Variants in PRKN observed in about 807,000 individuals in gnomAD.
PRKN encodes the protein parkin RBR E3 ubiquitin protein ligase, also known as E3 ubiquitin-protein ligase parkin.
In PRKN, 56 loss-of-function variants were observed where a neutral mutation model predicts 59.5. The observed-to-expected ratio is 0.94, with a 90% CI of 0.76 to 1.18. PRKN has a LOEUF of 1.18. Ranked by LOEUF, PRKN falls within the 50% of genes most tolerant of loss-of-function variation. PRKN has a pLI of 0.00. For missense variants in PRKN, 657 were observed against 596.4 expected (o/e 1.10, Z -1.06); for synonymous variants, 250 against 222.1 (o/e 1.13, Z -1.12).
rs551417154 is a variant in PRKN at position 161,350,276 on chromosome 6, C to G, written c.1286-65G>C. On this transcript the variant is annotated intron_variant, in intron 11 of 11. Transcript: ENST00000366898. ...CAAGTACCTGGAAAACACGCATTCC[C>G]AAACCAGCACGCTAGCCTAGACATC... is the stretch of plus-strand genomic sequence containing the variant. 60 of 1,027,924 alleles carry G rather than the reference C, an allele frequency of 5.8e-5. No individual in the cohort carries two copies. The East Asian group carries it at 1.4e-3, about 25-fold the overall frequency. The allele number at this position is 1,027,924 out of a possible 1,614,324, so 63.7% of individuals were successfully genotyped here. A position where few individuals can be genotyped will look rare whatever the true frequency, so the allele number is the denominator to read the frequency against.
chr6:162,488,014 A>T (rs1792625487), intron 1 of PRKN, among the ~76,000 whole-genome samples: 1 of 146,594 alleles, frequency 6.8e-6, no homozygotes, highest in Non-Finnish European at 1.5e-5. Context: ...CAGACACTAC[A>T]TCCACCATTT....
At chr6:162,237,543 G>T (rs1238626521) in intron 3 of PRKN, among the ~76,000 whole-genome samples, 1 of 152,130 alleles carries the variant, frequency 6.6e-6, no homozygotes, top group East Asian at 1.9e-4. Context: ...AACAACAAAG[G>T]CAGCCGAATG....
At chr6:162,657,821 T>C (rs1423666309) in intron 1 of PRKN, among the ~76,000 whole-genome samples, 1 of 152,142 alleles carries the variant, frequency 6.6e-6, no homozygotes, top group Non-Finnish European at 1.5e-5. Context: ...ACATGAGGGT[T>C]CCAGGCCTAG....
intron 2 of PRKN, among the ~76,000 whole-genome samples, chr6:162,390,396 T>TAC (rs1554312764): frequency 0.015 from 1,240 of 83,736 alleles, 28 homozygotes; most frequent in East Asian, 0.09. Flanking sequence ...TATATATATA[T>TAC]ACACACACAC....
intron 7 of PRKN, among the ~76,000 whole-genome samples, chr6:161,731,689 C>T (rs903681202): frequency 5.3e-5 from 8 of 152,020 alleles, no homozygotes; most frequent in Non-Finnish European, 1.0e-4. Flanking sequence ...GATTACAAGT[C>T]AGAAATTAAA....
At chr6:161,887,045 G>A (rs1404723675) in intron 6 of PRKN, among the ~76,000 whole-genome samples, 2 of 152,186 alleles carry the variant, frequency 1.3e-5, no homozygotes, top group Non-Finnish European at 2.9e-5. Flanking sequence ...TTTGACACAC[G>A]TGTCAGCTGA....
intron 1 of PRKN, among the ~76,000 whole-genome samples, chr6:162,479,994 G>A (rs1373055661): frequency 6.6e-6 from 1 of 152,006 alleles, no homozygotes; most frequent in Admixed American, 6.6e-5. Context: ...AAACCCGGGA[G>A]GTGGAGGTTG....
At chr6:162,404,364 T>C (rs1666220102) in intron 2 of PRKN, among the ~76,000 whole-genome samples, 2 of 145,408 alleles carry the variant, frequency 1.4e-5, no homozygotes, top group Admixed American at 1.4e-4. Context: ...AGTGAGACTC[T>C]GTCAGAAAAA....
At chr6:162,536,956 AGAT>A (rs1483907086) in intron 1 of PRKN, among the ~76,000 whole-genome samples, 8 of 152,196 alleles carry the variant, frequency 5.3e-5, no homozygotes, top group African/African-American at 1.9e-4. Flanking sequence ...TTTAAGAAAT[AGAT>A]GGTTGTTGAC....
chr6:161,680,775 A>ATATATATTTTTT (rs1216235673), intron 7 of PRKN, among the ~76,000 whole-genome samples: 2 of 30,618 alleles, frequency 6.5e-5, no homozygotes, highest in Non-Finnish European at 1.2e-4. Context: ...ATATATATAT[A>ATATATATTTTTT]TTTTTTTTTT....
chr6:162,260,233 G>A (rs548198741), intron 3 of PRKN, among the ~76,000 whole-genome samples: 3 of 152,282 alleles, frequency 2.0e-5, no homozygotes, highest in East Asian at 1.9e-4. Context: ...CCACAAGACA[G>A]AGGGGTAAAT....
intron 3 of PRKN, 153 bp downstream of exon 3, chr6:162,262,372 T>G: frequency 3.5e-6 from 3 of 865,636 alleles, no homozygotes; most frequent in Non-Finnish European, 3.9e-6. Flanking sequence ...ATCAAAGTAC[T>G]CCACCTACAG....
In PRKN at chr6:162,701,564, T is replaced by C. The variant is rs564321250; in HGVS notation, c.7+26098A>G. Among the ~76,000 whole-genome samples the C allele has an allele frequency of 5.9e-5, 9 of 152,086 alleles. No individual in the cohort carries two copies. The South Asian group carries it at 1.7e-3, about 28-fold the overall frequency. On this transcript the variant is annotated intron_variant, in intron 1 of 11. Transcript: ENST00000366898. ...GAACTATTAATCATTTTAAATGTGA[T>C]TAAAAAAATACAAGTCCAGCACACC... is the stretch of plus-strand genomic sequence containing the variant.
rs577486778 is a variant in PRKN, at chr6:162,258,971, C to T, written c.412+3554G>A. ...GGGTTTCAGAAGTTTCCATTTGTTT[C>T]GACAACATATGAGGCTACAGCCCAG... is the stretch of plus-strand genomic sequence containing the variant. On this transcript the variant is annotated intron_variant, in intron 3 of 11. Transcript: ENST00000366898. Among the ~76,000 whole-genome samples the T allele has an allele frequency of 1.3e-3, 194 of 152,212 alleles. 1 individual carries two copies. The highest frequency in any genetic ancestry group is 4.2e-3 in the African/African-American group (176 of 41,516).
intron 5 of PRKN, among the ~76,000 whole-genome samples, chr6:162,051,387 C>T (rs1777638080): frequency 6.6e-6 from 1 of 152,178 alleles, no homozygotes; most frequent in South Asian, 2.1e-4. Flanking sequence ...CGGAACTTCA[C>T]AGGCTAACGG....
chr6:161,856,210 A>G (rs1793643554), intron 6 of PRKN, among the ~76,000 whole-genome samples: 1 of 152,066 alleles, frequency 6.6e-6, no homozygotes. Context: ...AAATACAAAA[A>G]TTAGCCAGGC....
Position 162,369,877 on chromosome 6 carries a change from G to A in PRKN, c.171+73433C>T, listed in dbSNP as rs138664762. On this transcript the variant is annotated intron_variant, in intron 2 of 11. Coordinates refer to ENST00000366898, the MANE Select transcript of PRKN (RefSeq NM_004562.3). ...AGTTAGCCAACCCTGAAGGTATCCT[G>A]CCTCAAGACTTGTGGCTATTTGGAA... 7.5e-3 allele frequency among the ~76,000 whole-genome samples: 1,144 copies of A among 152,224 alleles called. 8 individuals are homozygous for A. Among genetic ancestry groups the A allele is most frequent in the Non-Finnish European group, 0.011 (762 of 68,016 alleles).
At chr6:161,847,075 CG>C (rs1479967265) in intron 6 of PRKN, among the ~76,000 whole-genome samples, 1 of 152,062 alleles carries the variant, frequency 6.6e-6, no homozygotes, top group Non-Finnish European at 1.5e-5. Flanking sequence ...TGTGGGAGGC[CG>C]GGGTGGGCAG....
At chr6:161,928,540 T>C (rs1171165202) in intron 6 of PRKN, among the ~76,000 whole-genome samples, 1 of 152,186 alleles carries the variant, frequency 6.6e-6, no homozygotes, top group Non-Finnish European at 1.5e-5. Flanking sequence ...TACAAGAAGT[T>C]AAGTGGTTCC....
Sources: allele counts gnomAD v4.1 joint callset (sites outside exome capture counted in the v4.1 genomes callset), GRCh38; gene constraint gnomAD v4.1.1; transcripts MANE v1.5; gene names NCBI Gene and HGNC (gene_info 2026-07-23, HGNC 2026-07-21).